Variants in SMURF2 observed in about 807,000 individuals in gnomAD.
SMURF2 encodes the protein SMAD specific E3 ubiquitin protein ligase 2.
SMURF2 carries 48 observed loss-of-function variants against 109.6 expected under a neutral mutation model. The observed-to-expected ratio is 0.44, with a 90% confidence interval of 0.35 to 0.56. The LOEUF (loss-of-function observed/expected upper bound fraction) is 0.56. Ranked by LOEUF, SMURF2 falls within the 20% of genes least tolerant of loss-of-function variation. The pLI, the probability that SMURF2 is intolerant of heterozygous loss-of-function variation, is 0.01. For missense variants in SMURF2, 575 were observed against 909.0 expected (o/e 0.63, Z 4.72); for synonymous variants, 288 against 317.1 (o/e 0.91, Z 0.97).
chr17:64,585,188 T>G (rs1188740573), intron 6 of SMURF2, among the ~76,000 whole-genome samples: 2 of 152,166 alleles, frequency 1.3e-5, no homozygotes, highest in Non-Finnish European at 2.9e-5. Context: ...ATGTTAAAAA[T>G]AAAATCAGAA....
intron 10 of SMURF2, among the ~76,000 whole-genome samples, chr17:64,570,339 A>AT (rs1276643441): frequency 6.6e-6 from 1 of 152,252 alleles, no homozygotes; most frequent in Non-Finnish European, 1.5e-5. Context: ...GCTAAAATGA[A>AT]TTATTCAGGG....
intron 1 of SMURF2, among the ~76,000 whole-genome samples, chr17:64,646,634 A>G (rs1231275635): frequency 6.6e-6 from 1 of 152,090 alleles, no homozygotes; most frequent in African/African-American, 2.4e-5. Flanking sequence ...CCATCCCTTC[A>G]GCCTCCCAAA....
At position 64,593,573 on chromosome 17, in the gene SMURF2, C is replaced by T. The variant is rs148243478; in HGVS notation, c.201G>A (p.Leu67=). Residue 67 remains leucine, a splice_region_variant and synonymous_variant, in exon 4 of 19, where the codon CTG becomes CTA. Coordinates refer to ENST00000262435, the MANE Select transcript of SMURF2 (RefSeq NM_022739.4). ...LDPKWNQHYD[L]YIGKSDSVTI... is the part of the protein sequence containing the mutation. ...TAACTGAATCAGACTTTCCAATATA[C>T]CTAAAAAACAAAACGGCTGCATGAG... 185 of 1,537,102 alleles carry T rather than the reference C, an allele frequency of 1.2e-4. No homozygotes were observed. The Middle Eastern group carries it at 1.4e-3, about 12-fold the overall frequency.
Position 64,545,912 on chromosome 17 carries a change from T to A in SMURF2, c.2183A>T (p.Tyr728Phe). The A allele has an allele frequency of 6.2e-7, 1 of 1,611,240 alleles. No individual in the cohort carries two copies. The highest frequency in any genetic ancestry group is 8.5e-7 in the Non-Finnish European group (1 of 1,177,354). Residue 728 changes from tyrosine (Y) to phenylalanine (F), a missense_variant, in exon 19 of 19, where the codon TAT becomes TTT. Tyr to Phe is a conservative substitution (Grantham distance 22, BLOSUM62 3). Around this residue, in one of 5 missense-constraint regions of SMURF2, gnomAD observed 361 missense variants for 612.1 expected, o/e 0.59. Transcript: ENST00000262435. Reference sequence around the variant, plus strand: ...TAGCAGCTTTTCATATAGCTTTTCATAGCTTTCATAGGGTGGAATGTCTAT... The same window carrying A: ...TAGCAGCTTTTCATATAGCTTTTCAAAGCTTTCATAGGGTGGAATGTCTAT... Reference protein sequence around the residue: ...NRIDIPPYESYEKLYEKLLTA... With the variant: ...NRIDIPPYESFEKLYEKLLTA...
chr17:64,637,737 T>C (rs964989915), intron 1 of SMURF2, among the ~76,000 whole-genome samples: 1 of 152,000 alleles, frequency 6.6e-6, no homozygotes, highest in Non-Finnish European at 1.5e-5. Flanking sequence ...CTAATTTTTG[T>C]ATTTTTAGTA....
At chr17:64,559,753 AT>A (rs376173916) in intron 12 of SMURF2, among the ~76,000 whole-genome samples, 45 of 143,382 alleles carry the variant, frequency 3.1e-4, no homozygotes, top group East Asian at 4.1e-4. Context: ...AAAAAAAAAA[AT>A]TTTTTTTTTT....
chr17:64,633,013 G>A (rs568819500), intron 1 of SMURF2, among the ~76,000 whole-genome samples: 51 of 152,350 alleles, frequency 3.3e-4, no homozygotes, highest in Non-Finnish European at 6.9e-4. Flanking sequence ...GCTCAAGTCT[G>A]TAATCTCAGC....
intron 1 of SMURF2, among the ~76,000 whole-genome samples, chr17:64,656,021 C>T (rs976760404): frequency 1.3e-5 from 2 of 152,162 alleles, no homozygotes; most frequent in Admixed American, 1.3e-4. Flanking sequence ...TACTACATCA[C>T]TGTGGAAAGG....
intron 1 of SMURF2, among the ~76,000 whole-genome samples, chr17:64,617,065 T>TAAAAAA (rs35408397): frequency 1.9e-4 from 9 of 48,496 alleles, no homozygotes; most frequent in African/African-American, 7.6e-4. Context: ...AGACCTTGTC[T>TAAAAAA]AAAAAAAAAA....
rs577973821 is a variant in SMURF2, at chr17:64,549,262, CAAAAAAA to C, written c.1870-1468_1870-1462del. On this transcript the variant is annotated intron_variant, in intron 16 of 18. Transcript: ENST00000262435. Reference sequence around the variant, plus strand: ...TGGGGGACAAGTGAGACTGTGTCTCCAAAAAAAAAAAAAAAAAAAAAAAAAGCCAAAA... The same window carrying C: ...TGGGGGACAAGTGAGACTGTGTCTCCAAAAAAAAAAAAAAAAAAGCCAAAA... Among the ~76,000 whole-genome samples, 44 of 41,568 alleles carry C rather than the reference CAAAAAAA, an allele frequency of 1.1e-3. 1 individual carries two copies. The East Asian group carries it at 0.014, about 13-fold the overall frequency. The allele number at this position is 41,568 out of a possible 152,430, so 27.3% of individuals were successfully genotyped here.
intron 1 of SMURF2, among the ~76,000 whole-genome samples, chr17:64,628,842 A>C (rs1555691363): frequency 6.6e-6 from 1 of 151,766 alleles, no homozygotes. Flanking sequence ...ACCTCACACT[A>C]CTCTCACAAT....
intron 1 of SMURF2, among the ~76,000 whole-genome samples, chr17:64,661,379 C>G (rs1252271903): frequency 6.6e-6 from 1 of 152,100 alleles, no homozygotes; most frequent in Non-Finnish European, 1.5e-5. Context: ...GGAACACACA[C>G]GCACACCCTC....
At chr17:64,590,144 C>CTTTTTTTTT (rs200015210) in intron 5 of SMURF2, among the ~76,000 whole-genome samples, 44 of 136,940 alleles carry the variant, frequency 3.2e-4, no homozygotes, top group African/African-American at 1.0e-3. Flanking sequence ...TTTTTCTTTT[C>CTTTTTTTTT]TTTTTTTTTT....
chr17:64,606,414 TA>T (rs1259376783), intron 2 of SMURF2, among the ~76,000 whole-genome samples, 187 bp downstream of exon 2: 26 of 152,180 alleles, frequency 1.7e-4, no homozygotes, highest in African/African-American at 6.0e-4. Flanking sequence ...AGGAAAGGGC[TA>T]AGCCTAAAAA....
chr17:64,646,313 G>A (rs1165901286), intron 1 of SMURF2, among the ~76,000 whole-genome samples: 5 of 151,298 alleles, frequency 3.3e-5, no homozygotes, highest in East Asian at 3.9e-4. Flanking sequence ...TGATCTGCCC[G>A]CCTCAGCCTC....
At chr17:64,655,708 G>A (rs186877258) in intron 1 of SMURF2, among the ~76,000 whole-genome samples, 114 of 152,068 alleles carry the variant, frequency 7.5e-4, no homozygotes, top group Admixed American at 6.6e-3. Context: ...CCAACATGGT[G>A]TAAACCCATC....
At chr17:64,630,420 T>C (rs537433467) in intron 1 of SMURF2, among the ~76,000 whole-genome samples, 2 of 152,046 alleles carry the variant, frequency 1.3e-5, no homozygotes, top group Non-Finnish European at 1.5e-5. Context: ...TCAAATTAAA[T>C]GCCACAAAAG....
At chr17:64,596,915 GAA>G (rs1382838080) in intron 3 of SMURF2, among the ~76,000 whole-genome samples, 1 of 152,028 alleles carries the variant, frequency 6.6e-6, no homozygotes, top group Non-Finnish European at 1.5e-5. Context: ...ACTAACTTCA[GAA>G]AAAACAAAAG....
rs938104763 is a variant in SMURF2 at position 64,581,915 on chromosome 17, C to G, written c.570-924G>C. On this transcript the variant is annotated intron_variant, in intron 7 of 18. Coordinates refer to ENST00000262435, the MANE Select transcript of SMURF2 (RefSeq NM_022739.4). The surrounding 1 kb of genome is among the most constrained non-coding windows in gnomAD (Gnocchi z 4.3). ...GGCAGAGGTTGCAGTGAGCCGAGAT[C>G]GTACCACTGCACTCTAGCCTAGGCA... Among the ~76,000 whole-genome samples the G allele has an allele frequency of 6.6e-6, 1 of 150,410 alleles. No individual in the cohort carries two copies. The highest frequency in any genetic ancestry group is 2.0e-4 in the East Asian group (1 of 5,106).
Sources: allele counts gnomAD v4.1 joint callset (sites outside exome capture counted in the v4.1 genomes callset), GRCh38; gene constraint gnomAD v4.1.1; regional missense constraint gnomAD v4.1.1; non-coding constraint Gnocchi (gnomAD v3.1); transcripts MANE v1.5; gene names NCBI Gene and HGNC (gene_info 2026-07-23, HGNC 2026-07-21).